Variants in DSCAM observed in about 807,000 individuals in gnomAD.
DSCAM encodes the protein DS cell adhesion molecule.
A neutral mutation model predicts 217.7 loss-of-function variants in DSCAM; 47 were observed. The ratio of observed to expected loss-of-function variants is 0.22; its 90% confidence interval spans 0.17 to 0.28. The LOEUF is 0.28. Among genes scored for constraint, DSCAM ranks in the 10% least tolerant of loss-of-function variants. The probability of loss-of-function intolerance (pLI) is 1.00; values close to 1 mark genes in which losing one functional copy is unlikely to be tolerated. For missense variants in DSCAM, 2,080 were observed against 2,618.3 expected, an observed-to-expected ratio of 0.79 and a Z score of 4.49; for synonymous variants, 1,056 against 1,015.3, an observed-to-expected ratio of 1.04 and a Z score of -0.76.
At chr21:40,058,981 G>A (rs1248351467) in intron 28 of DSCAM, among the ~76,000 whole-genome samples, 1 of 152,184 alleles carries the variant, frequency 6.6e-6, no homozygotes, top group Non-Finnish European at 1.5e-5. Flanking sequence ...AAAATGAGAA[G>A]AAGAGGAGAG....
chr21:40,822,510 A>T (rs1200581350), intron 1 of DSCAM, among the ~76,000 whole-genome samples: 1 of 152,038 alleles, frequency 6.6e-6, no homozygotes, highest in Admixed American at 6.6e-5. Flanking sequence ...GAAATGGCCA[A>T]CTAAGAAACC....
intron 1 of DSCAM, among the ~76,000 whole-genome samples, chr21:40,792,136 T>TC (rs1491544225): frequency 1.3e-5 from 1 of 74,328 alleles, no homozygotes; most frequent in African/African-American, 4.7e-5. Flanking sequence ...TTCTTCTTCT[T>TC]CTTTTTTTTT....
At chr21:40,443,212 C>A (rs2075647253) in intron 3 of DSCAM, among the ~76,000 whole-genome samples, 1 of 152,206 alleles carries the variant, frequency 6.6e-6, no homozygotes, top group South Asian at 2.1e-4. Flanking sequence ...GAAATGCTAA[C>A]TCATTCCAAA....
intron 11 of DSCAM, among the ~76,000 whole-genome samples, chr21:40,217,919 A>G (rs976896095): frequency 6.6e-5 from 10 of 152,098 alleles, no homozygotes; most frequent in Non-Finnish European, 1.0e-4. Flanking sequence ...TACCAGATGC[A>G]TAGTTTTCAA....
intron 3 of DSCAM, among the ~76,000 whole-genome samples, chr21:40,393,467 G>A (rs2075151985): frequency 6.6e-6 from 1 of 152,098 alleles, no homozygotes; most frequent in East Asian, 1.9e-4. Context: ...TGTTTTTATA[G>A]GCATATTTTT....
chr21:40,167,384 C>G (rs1010037028), intron 15 of DSCAM, 96 bp from the exon 16 acceptor site: 10 of 1,058,406 alleles, frequency 9.4e-6, no homozygotes, highest in African/African-American at 1.6e-5. Context: ...ACAACCCATC[C>G]CTATGTTTGG....
At chr21:40,460,078 G>C (rs796770430) in intron 3 of DSCAM, among the ~76,000 whole-genome samples, 13 of 152,264 alleles carry the variant, frequency 8.5e-5, no homozygotes, top group African/African-American at 3.1e-4. Context: ...GCTGAACAAT[G>C]AGAACACATG....
chr21:40,457,283 G>A (rs567726101), intron 3 of DSCAM, among the ~76,000 whole-genome samples: 60 of 152,276 alleles, frequency 3.9e-4, no homozygotes, highest in African/African-American at 1.3e-3. Flanking sequence ...AAGCCAAGGC[G>A]GGAGGATTGC....
intron 20 of DSCAM, among the ~76,000 whole-genome samples, chr21:40,100,471 C>G (rs2089735897): frequency 6.6e-6 from 1 of 152,082 alleles, no homozygotes; most frequent in African/African-American, 2.4e-5. Context: ...TTTTCCAACA[C>G]AACAATCCAA....
In DSCAM at chr21:40,353,607, G is replaced by A. The variant is rs1269348886; in HGVS notation, c.792C>T (p.Pro264=). ...PDYRWLKDNM[P]LELSGRFQKT... is the part of the protein sequence containing the mutation. Reference sequence around the variant, plus strand: ...TCTGGAACCTCCCTGAAAGTTCCAGGGGCATGTTGTCCTTCAGCCAGCGGT... The same window carrying A: ...TCTGGAACCTCCCTGAAAGTTCCAGAGGCATGTTGTCCTTCAGCCAGCGGT... The change falls in exon 5 of 33, where the codon CCC becomes CCT. Residue 264 remains proline (P), a synonymous_variant. Transcript: ENST00000400454. 2 of 1,611,454 alleles carry A rather than the reference G, an allele frequency of 1.2e-6. No individual in the cohort carries two copies. Among genetic ancestry groups the A allele is most frequent in the South Asian group, 1.1e-5 (1 of 90,802 alleles).
At chr21:40,665,955 G>A (rs1052742391) in intron 3 of DSCAM, among the ~76,000 whole-genome samples, 1 of 136,640 alleles carries the variant, frequency 7.3e-6, no homozygotes, top group Non-Finnish European at 1.6e-5. Context: ...AGGTGACTTA[G>A]AGTGTGGAAT....
chr21:40,688,210 G>A (rs192342275), intron 3 of DSCAM, among the ~76,000 whole-genome samples: 4 of 152,212 alleles, frequency 2.6e-5, no homozygotes, highest in South Asian at 2.1e-4. Flanking sequence ...TTCCAAATCC[G>A]GTTACCCCTG....
chr21:40,628,127 A>G (rs60983061), intron 3 of DSCAM, among the ~76,000 whole-genome samples: 2 of 152,220 alleles, frequency 1.3e-5, no homozygotes, highest in Non-Finnish European at 2.9e-5. Flanking sequence ...GACAGAAAAG[A>G]TCATCCATAA....
intron 16 of DSCAM, among the ~76,000 whole-genome samples, chr21:40,159,922 T>A (rs540704786): frequency 1.3e-5 from 2 of 152,324 alleles, no homozygotes; most frequent in East Asian, 1.9e-4. Flanking sequence ...TAAACTTCTA[T>A]TTTTTGTTGG....
intron 8 of DSCAM, among the ~76,000 whole-genome samples, chr21:40,336,051 C>T (rs1170204625): frequency 2.0e-5 from 3 of 152,110 alleles, no homozygotes; most frequent in Admixed American, 1.3e-4. Flanking sequence ...TACATCTTTA[C>T]CCTAAAGCTC....
chr21:40,606,937 G>C (rs993405915), intron 3 of DSCAM, among the ~76,000 whole-genome samples: 2 of 152,202 alleles, frequency 1.3e-5, no homozygotes, highest in African/African-American at 4.8e-5. Context: ...AACAAGCTCT[G>C]TCTTTGCCTG....
chr21:40,493,310 C>T (rs1169851205), intron 3 of DSCAM, among the ~76,000 whole-genome samples: 1 of 151,936 alleles, frequency 6.6e-6, no homozygotes, highest in Non-Finnish European at 1.5e-5. Context: ...ACCAGCAGAC[C>T]CCTTTTACAA....
intron 11 of DSCAM, among the ~76,000 whole-genome samples, chr21:40,208,192 T>C (rs576008574): frequency 1.3e-5 from 2 of 152,220 alleles, no homozygotes; most frequent in South Asian, 4.2e-4. Context: ...GTGGCTCTTA[T>C]CTGTAATCCC....
At chr21:40,298,527 G>T (rs2073980895) in intron 9 of DSCAM, among the ~76,000 whole-genome samples, 1 of 152,120 alleles carries the variant, frequency 6.6e-6, no homozygotes, top group Admixed American at 6.5e-5. Context: ...TTAAGAAAAT[G>T]AAAATATATT....
Sources: allele counts gnomAD v4.1 joint callset (sites outside exome capture counted in the v4.1 genomes callset), GRCh38; gene constraint gnomAD v4.1.1; transcripts MANE v1.5; gene names NCBI Gene and HGNC (gene_info 2026-07-23, HGNC 2026-07-21).